Variants in APLP2 observed in about 807,000 individuals in gnomAD.
APLP2 encodes the protein CDEI box-binding protein.
In APLP2, 53 loss-of-function variants were observed where a neutral mutation model predicts 89.9. The observed-to-expected ratio is 0.59, with a 90% CI of 0.47 to 0.74. APLP2 has a LOEUF of 0.74. Among genes scored for constraint, APLP2 ranks in the 30% least tolerant of loss-of-function variants. The pLI is 0.00. For missense variants in APLP2, 973 were observed against 975.9 expected, an observed-to-expected ratio of 1.00 and a Z score of 0.04; for synonymous variants, 372 against 348.6, an observed-to-expected ratio of 1.07 and a Z score of -0.75.
At chr11:130,103,330 A>G (rs1947194446) in intron 1 of APLP2, among the ~76,000 whole-genome samples, 1 of 152,084 alleles carries the variant, frequency 6.6e-6, no homozygotes, top group African/African-American at 2.4e-5. Context: ...TAAGACCACA[A>G]GGATTAATCT....
chr11:130,099,023 G>C (rs752803311), intron 1 of APLP2, among the ~76,000 whole-genome samples: 4 of 152,146 alleles, frequency 2.6e-5, no homozygotes, highest in East Asian at 1.9e-4. Context: ...TGCTCTGCAC[G>C]TACTAGTCAG....
intron 1 of APLP2, among the ~76,000 whole-genome samples, chr11:130,075,077 C>G (rs1173102631): frequency 6.6e-6 from 1 of 152,184 alleles, no homozygotes; most frequent in Non-Finnish European, 1.5e-5. Flanking sequence ...GAGTTCCAGT[C>G]CTTTGTGTCA....
At chr11:130,134,332 G>C (rs1439805303) in intron 12 of APLP2, among the ~76,000 whole-genome samples, 2 of 152,208 alleles carry the variant, frequency 1.3e-5, no homozygotes, top group African/African-American at 2.4e-5. Context: ...ACGGTGGCCT[G>C]AGATCCGAAT....
At chr11:130,102,592 G>A (rs1268784665) in intron 1 of APLP2, among the ~76,000 whole-genome samples, 2 of 152,214 alleles carry the variant, frequency 1.3e-5, no homozygotes, top group African/African-American at 4.8e-5. Context: ...AACTGGGTGT[G>A]CACGTTTGCT....
In APLP2 at chr11:130,096,134, G is replaced by C. The variant is rs550073281; in HGVS notation, c.106-13295G>C. ...ACTTGCTTGGGAACAGCAGGGGAAG[G>C]CTTCGAGTTCTGGGAGTTCATTAGA... On this transcript the variant is annotated intron_variant, in intron 1 of 16. Coordinates refer to ENST00000338167, the MANE Select transcript of APLP2 (RefSeq NM_001142276.2). Among the ~76,000 whole-genome samples, 6 of 152,278 alleles carry C rather than the reference G, an allele frequency of 3.9e-5. No homozygotes were observed. In the South Asian group the frequency reaches 1.0e-3, roughly 26 times the overall value.
chr11:130,102,003 A>G (rs1193208674), intron 1 of APLP2: 14 of 455,996 alleles, frequency 3.1e-5, no homozygotes, highest in South Asian at 2.0e-4. Flanking sequence ...AGATTAATGT[A>G]GGTGTCTGAT....
At position 130,104,910 on chromosome 11, in the gene APLP2, G is replaced by A. The variant is rs73041260; in HGVS notation, c.106-4519G>A. On this transcript the variant is annotated intron_variant, in intron 1 of 16. Coordinates refer to ENST00000338167, the MANE Select transcript of APLP2 (RefSeq NM_001142276.2). ...TCCCAGCTGTCCAACAAGGGTTGGTGCTTCCTTCTCTTATACTAGTAGAAA... is the reference window on the plus strand; with the variant it reads ...TCCCAGCTGTCCAACAAGGGTTGGTACTTCCTTCTCTTATACTAGTAGAAA... Among the ~76,000 whole-genome samples, 474 of 152,300 alleles carry A rather than the reference G, an allele frequency of 3.1e-3. 2 individuals are homozygous for A. The highest frequency in any genetic ancestry group is 6.7e-3 in the Admixed American group (103 of 15,308).
At chr11:130,071,392 G>T (rs971495105) in intron 1 of APLP2, among the ~76,000 whole-genome samples, 33 of 152,324 alleles carry the variant, frequency 2.2e-4, no homozygotes, top group African/African-American at 7.2e-4. Flanking sequence ...AATAGTTAAC[G>T]TTTATCTACA....
At position 130,143,462 on chromosome 11, in the gene APLP2, C is replaced by T. The variant is rs375418583; in HGVS notation, c.*14C>T. On this transcript the variant is annotated 3_prime_UTR_variant, in exon 17 of 17. Transcript: ENST00000338167. The stretch of plus-strand genomic sequence containing the variant: ...ATGCAGATTTAGGTGGCAGGGAGCG[C>T]GGCAGCCCTGGCGGAGGGATGCAGG... 47 of 1,608,750 alleles carry T rather than the reference C, an allele frequency of 2.9e-5. No individual in the cohort carries two copies. In the East Asian group the frequency reaches 3.6e-4, roughly 12 times the overall value.
chr11:130,120,880 T>C, intron 4 of APLP2, 62 bp downstream of exon 4: 4 of 1,159,030 alleles, frequency 3.5e-6, no homozygotes, highest in African/African-American at 1.5e-5. Flanking sequence ...AGTAGCACTT[T>C]TCTCCAAATC....
intron 1 of APLP2, among the ~76,000 whole-genome samples, chr11:130,078,160 T>C (rs575614659): frequency 2.0e-5 from 3 of 150,886 alleles, no homozygotes; most frequent in Non-Finnish European, 4.4e-5. Context: ...GTTCAGTTTT[T>C]CTTTCTTTTT....
At chr11:130,079,437 C>A (rs1421607099) in intron 1 of APLP2, among the ~76,000 whole-genome samples, 1 of 152,132 alleles carries the variant, frequency 6.6e-6, no homozygotes, top group African/African-American at 2.4e-5. Context: ...ATAATTCTGC[C>A]TTCAATGTTT....
At chr11:130,091,858 G>A (rs1322029539) in intron 1 of APLP2, among the ~76,000 whole-genome samples, 12 of 146,206 alleles carry the variant, frequency 8.2e-5, no homozygotes, top group South Asian at 4.2e-4. Context: ...GGTGGCTGCC[G>A]GGTGGAGACG....
rs11221966 is a variant in APLP2, at chr11:130,112,063, A to C, written c.403+1402A>C. On this transcript the variant is annotated intron_variant, in intron 3 of 16. Transcript: ENST00000338167. ...ATCCTTTATCTCCCTGTATGCGGTC[A>C]GTTTCTGAGCCAGCCTCATACTTAC... Among the ~76,000 whole-genome samples the C allele has an allele frequency of 3.3e-5, 5 of 152,150 alleles. No homozygotes were observed. The East Asian group carries it at 9.7e-4, about 29-fold the overall frequency.
chr11:130,118,154 G>C (rs1949419833), intron 3 of APLP2, among the ~76,000 whole-genome samples: 1 of 151,348 alleles, frequency 6.6e-6, no homozygotes, highest in African/African-American at 2.4e-5. Flanking sequence ...AAATTTTTTT[G>C]ATGTTGCAGT....
chr11:130,112,509 C>CAGGACACAG (rs1289225465), intron 3 of APLP2, among the ~76,000 whole-genome samples: 24 of 136,146 alleles, frequency 1.8e-4, no homozygotes, highest in South Asian at 4.3e-4. Flanking sequence ...TTGGGTCTAA[C>CAGGACACAG]TACTTAACTT....
intron 1 of APLP2, among the ~76,000 whole-genome samples, chr11:130,101,188 G>T (rs1386182581): frequency 2.0e-5 from 3 of 152,098 alleles, no homozygotes; most frequent in Non-Finnish European, 4.4e-5. Flanking sequence ...TGTTGTTGTT[G>T]TTTTTTGAGA....
At chr11:130,111,341 C>A (rs1948533152) in intron 3 of APLP2, among the ~76,000 whole-genome samples, 1 of 152,016 alleles carries the variant, frequency 6.6e-6, no homozygotes, top group South Asian at 2.1e-4. Context: ...TATCTGTGGT[C>A]TGGTGATTCA....
In APLP2 at chr11:130,123,901, C is replaced by T. The variant is rs1291779240; in HGVS notation, c.1090+122C>T. Reference sequence around the variant, plus strand: ...GCCCACTCGGGTGTTTGCTGTCGGTCGTCTTCCCCTCATCTTTGTGCTTTC... The same window carrying T: ...GCCCACTCGGGTGTTTGCTGTCGGTTGTCTTCCCCTCATCTTTGTGCTTTC... On this transcript the variant is annotated intron_variant, in intron 7 of 16. Transcript: ENST00000338167. The surrounding 1 kb of genome is among the most constrained non-coding windows in gnomAD (Gnocchi z 4.0). 6.5e-6 allele frequency: 7 copies of T among 1,081,814 alleles called. No homozygotes were observed. Among genetic ancestry groups the T allele is most frequent in the Non-Finnish European group, 9.4e-6 (7 of 741,296 alleles). 67.0% of individuals were successfully genotyped at this position (1,081,814 alleles called of 1,614,324 possible). A position where few individuals can be genotyped will look rare whatever the true frequency, so the allele number is the denominator to read the frequency against.
Sources: allele counts gnomAD v4.1 joint callset (sites outside exome capture counted in the v4.1 genomes callset), GRCh38; gene constraint gnomAD v4.1.1; non-coding constraint Gnocchi (gnomAD v3.1); transcripts MANE v1.5; gene names NCBI Gene and HGNC (gene_info 2026-07-23, HGNC 2026-07-21).